LRBA: variants seen among roughly 807,000 people sequenced by gnomAD.
The protein encoded by LRBA is lipopolysaccharide-responsive and beige-like anchor protein.
A neutral mutation model predicts 330.0 loss-of-function variants in LRBA; 176 were observed. The observed-to-expected ratio is 0.53, with a 90% CI of 0.47 to 0.60. The LOEUF is 0.60. LRBA is among the 20% of genes least tolerant of loss of function. The pLI is 0.00. For synonymous variants in LRBA, 1,230 were observed against 1,193.0 expected (o/e 1.03, Z -0.64); for missense variants, 3,259 against 3,444.8 (o/e 0.95, Z 1.35).
intron 2 of LRBA, among the ~76,000 whole-genome samples, chr4:150,992,952 T>C (rs1742260309): frequency 6.6e-6 from 1 of 152,166 alleles, no homozygotes; most frequent in East Asian, 1.9e-4. Flanking sequence ...GCAAAGTTTT[T>C]ACAGTATCTT....
intron 2 of LRBA, among the ~76,000 whole-genome samples, chr4:150,932,196 A>G (rs544804580): frequency 1.3e-5 from 2 of 152,262 alleles, no homozygotes; most frequent in South Asian, 4.1e-4. Context: ...TCATATTGAC[A>G]TATTTAACTA....
At chr4:150,746,366 C>T (rs79400325) in intron 35 of LRBA, among the ~76,000 whole-genome samples, 62 of 152,148 alleles carry the variant, frequency 4.1e-4, no homozygotes, top group African/African-American at 1.5e-3. Context: ...CATTCTTTGC[C>T]CCATTAACAT....
At chr4:150,600,228 T>A (rs970885802) in intron 37 of LRBA, among the ~76,000 whole-genome samples, 5 of 152,120 alleles carry the variant, frequency 3.3e-5, no homozygotes, top group African/African-American at 1.2e-4. Context: ...AATTAAAAAA[T>A]TATTCATAAT....
At chr4:151,003,581 T>A (rs1743657474) in intron 2 of LRBA, among the ~76,000 whole-genome samples, 1 of 151,934 alleles carries the variant, frequency 6.6e-6, no homozygotes, top group African/African-American at 2.4e-5. Context: ...ATAACCAGAC[T>A]GGGCAACATA....
chr4:150,630,612 T>C (rs1039149698), intron 37 of LRBA, among the ~76,000 whole-genome samples: 3 of 152,144 alleles, frequency 2.0e-5, no homozygotes, highest in Non-Finnish European at 2.9e-5. Flanking sequence ...GTATTTAGAA[T>C]ACTTTGCAAT....
chr4:150,534,165 T>C (rs189025510), intron 40 of LRBA, among the ~76,000 whole-genome samples: 7 of 151,766 alleles, frequency 4.6e-5, no homozygotes, highest in African/African-American at 1.7e-4. Flanking sequence ...ATAGATAATA[T>C]ATAATAATTA....
intron 44 of LRBA, among the ~76,000 whole-genome samples, chr4:150,453,911 CATATTTCACTTGA>C (rs1753704416): frequency 6.6e-6 from 1 of 152,140 alleles, no homozygotes; most frequent in Non-Finnish European, 1.5e-5. Flanking sequence ...AATAGTCCTT[CATATTTCACTTGA>C]ATATTTCATG....
At chr4:150,450,224 T>A (rs1380689033) in intron 44 of LRBA, among the ~76,000 whole-genome samples, 2 of 152,170 alleles carry the variant, frequency 1.3e-5, no homozygotes, top group African/African-American at 4.8e-5. Context: ...AATTCTTTTA[T>A]CAAAAAAATA....
chr4:150,345,693 T>C (rs1225929789), intron 48 of LRBA, among the ~76,000 whole-genome samples: 1 of 152,192 alleles, frequency 6.6e-6, no homozygotes, highest in African/African-American at 2.4e-5. Context: ...TGACTCAAAT[T>C]CAAATTTATT....
At chr4:150,538,088 C>T (rs1255768863) in intron 40 of LRBA, among the ~76,000 whole-genome samples, 2 of 152,168 alleles carry the variant, frequency 1.3e-5, no homozygotes, top group African/African-American at 2.4e-5. Flanking sequence ...CAATGAGATA[C>T]CATCTCACAC....
chr4:150,540,908 C>T (rs760314817), intron 40 of LRBA, among the ~76,000 whole-genome samples: 44 of 152,132 alleles, frequency 2.9e-4, no homozygotes, highest in Non-Finnish European at 5.7e-4. Flanking sequence ...CAAAACTTTT[C>T]TGATTTTCAG....
intron 34 of LRBA, among the ~76,000 whole-genome samples, chr4:150,777,417 A>G (rs141374723): frequency 1.8e-4 from 28 of 152,310 alleles, no homozygotes; most frequent in African/African-American, 5.3e-4. Context: ...ACTCATGTCA[A>G]ACTGTTTCAT....
chr4:150,280,817 C>A (rs1297410257), intron 55 of LRBA, among the ~76,000 whole-genome samples: 1 of 152,154 alleles, frequency 6.6e-6, no homozygotes, highest in Non-Finnish European at 1.5e-5. Flanking sequence ...AGGTAGTGAG[C>A]TGTGAAAGTA....
chr4:150,343,647 T>C (rs1735883298), intron 48 of LRBA, among the ~76,000 whole-genome samples: 2 of 152,088 alleles, frequency 1.3e-5, no homozygotes, highest in African/African-American at 4.8e-5. Flanking sequence ...GCACCTTCAA[T>C]CCTTTTTCAT....
intron 52 of LRBA, among the ~76,000 whole-genome samples, chr4:150,307,511 G>A (rs1730510432): frequency 2.0e-5 from 3 of 151,636 alleles, no homozygotes; most frequent in East Asian, 3.9e-4. Context: ...AAAAACTCCA[G>A]GAGTTTAAGA....
At chr4:150,948,592 A>G (rs1736478045) in intron 2 of LRBA, among the ~76,000 whole-genome samples, 1 of 152,038 alleles carries the variant, frequency 6.6e-6, no homozygotes, top group East Asian at 1.9e-4. Flanking sequence ...CCATACAGGG[A>G]AAACTGATAA....
rs182838131 is a variant in LRBA at position 150,578,586 on chromosome 4, T to C, written c.6330+9462A>G. 2.8e-3 allele frequency among the ~76,000 whole-genome samples: 424 copies of C among 152,322 alleles called. 2 individuals carry two copies. Among genetic ancestry groups the C allele is most frequent in the African/African-American group, 7.1e-3 (296 of 41,570 alleles). The stretch of plus-strand genomic sequence containing the variant: ...ACTGGACCTTAAACATTCACATTGC[T>C]ATAAAACTAGTACCGTAATTACTAC... On this transcript the variant is annotated intron_variant, in intron 40 of 56. Coordinates refer to ENST00000651943, the MANE Select transcript of LRBA (RefSeq NM_001364905.1).
chr4:150,315,454 G>A, intron 51 of LRBA, 107 bp downstream of exon 51: 1 of 939,472 alleles, frequency 1.1e-6, no homozygotes, highest in Non-Finnish European at 1.7e-6. Flanking sequence ...GGTTTATCAG[G>A]AAAATTCCAT....
chr4:150,326,772 TGCTGGG>T (rs1268497396), intron 48 of LRBA, among the ~76,000 whole-genome samples: 3 of 152,182 alleles, frequency 2.0e-5, no homozygotes, highest in Admixed American at 1.3e-4. Flanking sequence ...AAATGCTACA[TGCTGGG>T]TGAGGGGAGA....
Sources: allele counts gnomAD v4.1 joint callset (sites outside exome capture counted in the v4.1 genomes callset), GRCh38; gene constraint gnomAD v4.1.1; transcripts MANE v1.5; gene names NCBI Gene and HGNC (gene_info 2026-07-23, HGNC 2026-07-21).